The following IL7R variants were observed in gnomAD, a reference collection of about 807,000 sequenced individuals.
The protein encoded by IL7R is interleukin 7 receptor.
In IL7R, 38 loss-of-function variants were observed where a neutral mutation model predicts 47.0. That is an observed-to-expected ratio of 0.81 (90% CI 0.62 to 1.06). The LOEUF is 1.06. IL7R is among the 50% of genes least tolerant of loss of function. IL7R has a pLI of 0.00. For synonymous variants in IL7R, 221 were observed against 199.8 expected (o/e 1.11, Z -0.89); for missense variants, 633 against 534.8 (o/e 1.18, Z -1.81).
chr5:35,865,365 G>A (rs1235816669), intron 2 of IL7R, among the ~76,000 whole-genome samples: 1 of 152,132 alleles, frequency 6.6e-6, no homozygotes, highest in Non-Finnish European at 1.5e-5. Context: ...ATCATTGATG[G>A]ACATTTGGCT....
intron 1 of IL7R, among the ~76,000 whole-genome samples, chr5:35,859,679 T>C (rs1274964542): frequency 6.6e-6 from 1 of 152,168 alleles, no homozygotes; most frequent in African/African-American, 2.4e-5. Context: ...TCAGCTTTAT[T>C]AACTTTCCCA....
rs779479151 is a variant in IL7R, at chr5:35,873,562, C to G, written c.620C>G (p.Ser207Cys). The G allele has an allele frequency of 2.0e-5, 33 of 1,613,828 alleles. No homozygotes were observed. The South Asian group carries it at 3.5e-4, about 17-fold the overall frequency. The change falls in exon 5 of 8, where the codon TCC (serine) becomes TGC (cysteine). Residue 207 changes from serine (S) to cysteine (C), a missense_variant. By Grantham distance (112) the Ser-to-Cys change is moderately radical (BLOSUM62 -1). Coordinates refer to ENST00000303115, the MANE Select transcript of IL7R (RefSeq NM_002185.5). The stretch of plus-strand genomic sequence containing the variant: ...GCAATGTATGAGATTAAAGTTCGAT[C>G]CATCCCTGATCACTATTTTAAAGGC... ...PAAMYEIKVRSIPDHYFKGFW... is the reference protein window; with the variant it reads ...PAAMYEIKVRCIPDHYFKGFW...
chr5:35,870,371 C>T (rs1370841081), intron 3 of IL7R, among the ~76,000 whole-genome samples: 4 of 152,160 alleles, frequency 2.6e-5, no homozygotes, highest in Non-Finnish European at 5.9e-5. Context: ...AGAGGGGACC[C>T]CCTGAGGACA....
Position 35,867,398 on chromosome 5 carries a change from G to T in IL7R, c.314G>T (p.Ser105Ile). ...ETKKFLLIGK[S>I]NICVKVGEKS... Reference sequence around the variant, plus strand: ...AAGAAATTCTTACTGATTGGAAAGAGCAATATATGTGTGAAGGTTGGAGAA... The same window carrying T: ...AAGAAATTCTTACTGATTGGAAAGATCAATATATGTGTGAAGGTTGGAGAA... Residue 105 changes from serine to isoleucine, a missense_variant, in exon 3 of 8, where the codon AGC becomes ATC. Transcript: ENST00000303115. 1 of 1,613,182 alleles carries T rather than the reference G, an allele frequency of 6.2e-7. No individual in the cohort carries two copies. Among genetic ancestry groups the T allele is most frequent in the East Asian group, 2.2e-5 (1 of 44,848 alleles).
At chr5:35,875,841 A>G (rs986663670) in intron 7 of IL7R, 142 bp from the exon 8 acceptor site, 1 of 968,598 alleles carries the variant, frequency 1.0e-6, no homozygotes, top group Non-Finnish European at 1.6e-6. Flanking sequence ...AAGCTCCAGA[A>G]GCAAAGAGTC....
chr5:35,872,607 A>G (rs1460837536), intron 4 of IL7R, among the ~76,000 whole-genome samples: 3 of 152,250 alleles, frequency 2.0e-5, no homozygotes, highest in Non-Finnish European at 4.4e-5. Context: ...AACTCTAAAC[A>G]AATTAGAAAA....
chr5:35,875,712 C>A, intron 7 of IL7R, 125 bp downstream of exon 7: 2 of 837,990 alleles, frequency 2.4e-6, no homozygotes, highest in Non-Finnish European at 2.0e-6. Flanking sequence ...TAACTAGGGT[C>A]CCTCCTAAGA....
rs191585195 is a variant in IL7R, at chr5:35,867,367, G to A, written c.283G>A (p.Glu95Lys). ...GAAACTACAAGAGATATATTTCATC[G>A]AGACAAAGAAATTCTTACTGATTGG... ...FRKLQEIYFIETKKFLLIGKS... is the reference protein window; with the variant it reads ...FRKLQEIYFIKTKKFLLIGKS... Residue 95 changes from glutamate (E) to lysine (K), a missense_variant, in exon 3 of 8, where the codon GAG becomes AAG. Glu to Lys is a moderately conservative substitution (Grantham distance 56, BLOSUM62 1). Transcript: ENST00000303115. 3.8e-4 allele frequency: 611 copies of A among 1,613,436 alleles called. 3 individuals are homozygous for A. In the South Asian group the frequency reaches 4.1e-3, roughly 11 times the overall value.
intron 1 of IL7R, 25 bp downstream of exon 1, chr5:35,857,084 T>C (rs1157214377): frequency 1.5e-5 from 20 of 1,350,576 alleles, no homozygotes; most frequent in Admixed American, 1.0e-4. Flanking sequence ...AGTTTTCTTA[T>C]GGATTTTGGA....
At position 35,876,211 on chromosome 5, in the gene IL7R, T is replaced by C; in HGVS notation, c.1105T>C (p.Cys369Arg). The change falls in exon 8 of 8, where the codon TGC becomes CGC. Residue 369 changes from cysteine to arginine, a missense_variant. By Grantham distance (180) the Cys-to-Arg change is radical. Transcript: ENST00000303115. ...CTTTGGAAGAGATTCATCCCTCACA[T>C]GCCTGGCTGGGAATGTCAGTGCATG... ...ESFGRDSSLT[C>R]LAGNVSACDA... The C allele has an allele frequency of 6.2e-7, 1 of 1,614,178 alleles. No individual in the cohort carries two copies. Among genetic ancestry groups the C allele is most frequent in the Non-Finnish European group, 8.5e-7 (1 of 1,180,010 alleles).
intron 1 of IL7R, among the ~76,000 whole-genome samples, chr5:35,857,472 G>C (rs1272614834): frequency 7.9e-6 from 1 of 125,902 alleles, no homozygotes; most frequent in Non-Finnish European, 1.8e-5. Flanking sequence ...TTCAGGATAA[G>C]GTAATGTACA....
intron 3 of IL7R, 114 bp downstream of exon 3, chr5:35,867,577 T>C: frequency 1.3e-6 from 1 of 792,586 alleles, no homozygotes; most frequent in Admixed American, 1.9e-5. Context: ...TGGCAATAGA[T>C]AATAGCTAAT....
Position 35,876,747 on chromosome 5 carries a change from A to C in IL7R, c.*261A>C. On this transcript the variant is annotated 3_prime_UTR_variant, in exon 8 of 8. Transcript: ENST00000303115. ...GACCCAATGATTCAGCTATTTAAAA[A>C]AAAAAGAGGAAAGAATGAAAGAGTA... The C allele has an allele frequency of 4.0e-6, 2 of 503,396 alleles. No individual in the cohort carries two copies. The highest frequency in any genetic ancestry group is 3.6e-6 in the Non-Finnish European group (1 of 281,382). The allele number at this position is 503,396 out of a possible 1,614,324, so 31.2% of individuals were successfully genotyped here.
rs115193247 is a variant in IL7R at position 35,875,842 on chromosome 5, G to C, written c.877-141G>C. On this transcript the variant is annotated intron_variant, in intron 7 of 7. Transcript: ENST00000303115. ...TTGAAGTGTCTCAGAAGCTCCAGAAGCAAAGAGTCCATTGAGGAACATGCT... is the reference window on the plus strand; with the variant it reads ...TTGAAGTGTCTCAGAAGCTCCAGAACCAAAGAGTCCATTGAGGAACATGCT... 48 of 975,460 alleles carry C rather than the reference G, an allele frequency of 4.9e-5. No individual in the cohort carries two copies. The African/African-American group carries it at 7.1e-4, about 14-fold the overall frequency. The allele number at this position is 975,460 out of a possible 1,614,324, so 60.4% of individuals were successfully genotyped here. A position where few individuals can be genotyped will look rare whatever the true frequency, so the allele number is the denominator to read the frequency against.
chr5:35,868,736 G>T (rs1359311388), intron 3 of IL7R, among the ~76,000 whole-genome samples: 3 of 152,138 alleles, frequency 2.0e-5, no homozygotes, highest in Non-Finnish European at 1.5e-5. Flanking sequence ...TCAGTCTTCT[G>T]ACAAGGTCCT....
chr5:35,875,700 T>C, intron 7 of IL7R, 113 bp downstream of exon 7: 1 of 887,614 alleles, frequency 1.1e-6, no homozygotes, highest in East Asian at 2.5e-5. Flanking sequence ...TGATTCATCC[T>C]GTAACTAGGG....
At chr5:35,875,950 C>T (rs1760194435) in intron 7 of IL7R, 33 bp from the exon 8 acceptor site, 1 of 1,603,814 alleles carries the variant, frequency 6.2e-7, no homozygotes, top group African/African-American at 1.3e-5. Flanking sequence ...TCTCTGGTGC[C>T]ATCTTAATAC....
Position 35,871,152 on chromosome 5 carries a change from A to T in IL7R, c.476A>T (p.Tyr159Phe), listed in dbSNP as rs779013920. The stretch of plus-strand genomic sequence containing the variant: ...AATACATCACACTTGCAAAAGAAGT[A>T]TGTAAAAGTTTTAATGCACGATGTA... ...TFNTSHLQKK[Y>F]VKVLMHDVAY... The change falls in exon 4 of 8, where the codon TAT (tyrosine) becomes TTT (phenylalanine). Residue 159 changes from tyrosine (Y) to phenylalanine (F), a missense_variant. Transcript: ENST00000303115. 3.8e-5 allele frequency: 61 copies of T among 1,613,078 alleles called. No homozygotes were observed. In the South Asian group the frequency reaches 6.7e-4, roughly 18 times the overall value.
intron 6 of IL7R, 138 bp downstream of exon 6, chr5:35,874,680 C>T (rs1760162100): frequency 1.4e-6 from 1 of 740,158 alleles, no homozygotes; most frequent in Non-Finnish European, 2.5e-6. Flanking sequence ...CCCTATCTAT[C>T]CTCAGCGAAT....
Sources: gnomAD v4.1 joint callset for allele counts (sites outside exome capture counted in the v4.1 genomes callset) on GRCh38, gnomAD v4.1.1 for gene constraint, MANE v1.5 for transcripts, NCBI Gene and HGNC (gene_info 2026-07-23, HGNC 2026-07-21) for gene names.